Variants in ABCF3 observed in about 807,000 individuals in gnomAD.
ABCF3 encodes the protein ATP-binding cassette sub-family F member 3.
Under a neutral mutation model 94.3 loss-of-function variants are expected in ABCF3, and 62 were observed. The observed-to-expected ratio is 0.66, with a 90% CI of 0.54 to 0.81. The LOEUF (loss-of-function observed/expected upper bound fraction) is 0.81, where lower values mean the gene tolerates loss of function less well. Among genes scored for constraint, ABCF3 ranks in the 40% least tolerant of loss-of-function variants. The pLI, the probability that ABCF3 is intolerant of heterozygous loss-of-function variation, is 0.00. For synonymous variants in ABCF3, 355 were observed against 361.1 expected, an observed-to-expected ratio of 0.98 and a Z score of 0.19; for missense variants, 843 against 925.3, an observed-to-expected ratio of 0.91 and a Z score of 1.15.
intron 7 of ABCF3, 94 bp from the exon 8 acceptor site, chr3:184,188,667 C>T: frequency 1.5e-6 from 2 of 1,310,362 alleles, no homozygotes. Context: ...CTTCCAGCCA[C>T]AAGGTAGCCA....
At chr3:184,192,984 G>A (rs1299775130) in intron 18 of ABCF3, 88 bp downstream of exon 18, 33 of 1,572,402 alleles carry the variant, frequency 2.1e-5, no homozygotes, top group African/African-American at 1.6e-4. Context: ...CTTGGGGTGC[G>A]TGCAGAGCAG....
At position 184,187,647 on chromosome 3, in the gene ABCF3, T is replaced by C. The variant is rs1222130989; in HGVS notation, c.349-17T>C. 1.9e-6 allele frequency: 3 copies of C among 1,613,578 alleles called. No homozygotes were observed. Among genetic ancestry groups the C allele is most frequent in the Non-Finnish European group, 8.5e-7 (1 of 1,179,628 alleles). On this transcript the variant is annotated splice_polypyrimidine_tract_variant and intron_variant, in intron 4 of 20. Coordinates refer to ENST00000429586, the MANE Select transcript of ABCF3 (RefSeq NM_018358.3). ...AGCCTACACCCGAGAGTGAAGTCGA[T>C]GTGTTTGGACCCTTAGACAGTGAAT...
At position 184,193,768 on chromosome 3, in the gene ABCF3, A is replaced by G; in HGVS notation, c.*70A>G. 1 of 1,476,210 alleles carries G rather than the reference A, an allele frequency of 6.8e-7. No homozygotes were observed. The highest frequency in any genetic ancestry group is 9.0e-7 in the Non-Finnish European group (1 of 1,105,662). 91.4% of individuals were successfully genotyped at this position (1,476,210 alleles called of 1,614,324 possible). A position where few individuals can be genotyped will look rare whatever the true frequency, so the allele number is the denominator to read the frequency against. On this transcript the variant is annotated 3_prime_UTR_variant, in exon 21 of 21. Coordinates refer to ENST00000429586, the MANE Select transcript of ABCF3 (RefSeq NM_018358.3). This position sits in a 1 kb window ranked among gnomAD's most constrained non-coding sequence, Gnocchi z 5.2. ...AGACCCCTGGGCCACCATGTAGGCC[A>G]CCACTCCAGGCCGTGGACTTCCCCC... is the stretch of plus-strand genomic sequence containing the variant.
Position 184,193,082 on chromosome 3 carries a change from T to G in ABCF3, c.1751-20T>G. ...GGTGTTGGGCCAAGAAGCCACCTGA[T>G]CTGGGGAGTCCTTTTCCAGGGCGGC... On this transcript the variant is annotated intron_variant, in intron 18 of 20. Transcript: ENST00000429586. This position sits in a 1 kb window ranked among gnomAD's most constrained non-coding sequence, Gnocchi z 5.2. 3.9e-6 allele frequency: 6 copies of G among 1,536,124 alleles called. No individual in the cohort carries two copies. Among genetic ancestry groups the G allele is most frequent in the Non-Finnish European group, 5.2e-6 (6 of 1,142,956 alleles).
intron 1 of ABCF3, 103 bp downstream of exon 1, chr3:184,186,383 A>C: frequency 6.3e-7 from 1 of 1,588,336 alleles, no homozygotes; most frequent in Non-Finnish European, 8.6e-7. Context: ...TCTCCTCTGC[A>C]TGACCTCTTG....
chr3:184,193,222 T>C lies in ABCF3; in HGVS notation c.1871T>C (p.Met624Thr). Residue 624 changes from methionine to threonine, a missense_variant, in exon 19 of 21, where the codon ATG becomes ACG. Coordinates refer to ENST00000429586, the MANE Select transcript of ABCF3 (RefSeq NM_018358.3). This position sits in a 1 kb window ranked among gnomAD's most constrained non-coding sequence, Gnocchi z 5.2. ...AAGAGCCGAGTGGCCTTTGCTCAGATGACTATGCCCTGGTGAGGCCTCATT... is the reference window on the plus strand; with the variant it reads ...AAGAGCCGAGTGGCCTTTGCTCAGACGACTATGCCCTGGTGAGGCCTCATT... Reference protein sequence around the residue: ...GQKSRVAFAQMTMPCPNFYIL... With the variant: ...GQKSRVAFAQTTMPCPNFYIL... The C allele has an allele frequency of 1.3e-6, 2 of 1,565,862 alleles. No homozygotes were observed. Among genetic ancestry groups the C allele is most frequent in the Non-Finnish European group, 1.7e-6 (2 of 1,156,616 alleles).
In ABCF3 at chr3:184,186,924, G is replaced by A. The variant is rs183017508; in HGVS notation, c.301+49G>A. 165 of 1,568,848 alleles carry A rather than the reference G, an allele frequency of 1.1e-4. No individual in the cohort carries two copies. The African/African-American group carries it at 1.8e-3, about 17-fold the overall frequency. Reference sequence around the variant, plus strand: ...TAACTGCCCCCCTGTGCTTTTCTCCGCCCCCAACCATCTGCTGCCTGCAGC... The same window carrying A: ...TAACTGCCCCCCTGTGCTTTTCTCCACCCCCAACCATCTGCTGCCTGCAGC... On this transcript the variant is annotated intron_variant, in intron 3 of 20. Coordinates refer to ENST00000429586, the MANE Select transcript of ABCF3 (RefSeq NM_018358.3).
chr3:184,187,168 T>C (rs1248160818), intron 3 of ABCF3: 2 of 643,564 alleles, frequency 3.1e-6, no homozygotes, highest in African/African-American at 1.8e-5. Flanking sequence ...CTTGTAAGAG[T>C]TGGTTATCTG....
intron 17 of ABCF3, 41 bp downstream of exon 17, chr3:184,192,730 C>T (rs1030281289): frequency 1.9e-6 from 3 of 1,608,770 alleles, no homozygotes; most frequent in Admixed American, 3.4e-5. Context: ...AGCACATTTG[C>T]AGGCACCCAT....
intron 16 of ABCF3, 55 bp from the exon 17 acceptor site, chr3:184,192,546 C>A (rs1716093110): frequency 6.7e-7 from 1 of 1,503,250 alleles, no homozygotes; most frequent in Admixed American, 2.0e-5. Context: ...TGAATGAGAA[C>A]ATACCGTATT....
Position 184,193,237 on chromosome 3 carries a change from G to A in ABCF3, c.1883+3G>A. ...TTTGCTCAGATGACTATGCCCTGGT[G>A]AGGCCTCATTTTCCAGAGCTCTTCC... On this transcript the variant is annotated splice_donor_region_variant and intron_variant, in intron 19 of 20. Coordinates refer to ENST00000429586, the MANE Select transcript of ABCF3 (RefSeq NM_018358.3). This position sits in a 1 kb window ranked among gnomAD's most constrained non-coding sequence, Gnocchi z 5.2. 1 of 1,572,734 alleles carries A rather than the reference G, an allele frequency of 6.4e-7. No homozygotes were observed. Among genetic ancestry groups the A allele is most frequent in the Non-Finnish European group, 8.6e-7 (1 of 1,159,916 alleles).
In ABCF3 at chr3:184,193,612, G is replaced by A. The variant is rs757526982; in HGVS notation, c.2044G>A (p.Gly682Arg). Residue 682 changes from glycine to arginine, a missense_variant, in exon 21 of 21, where the codon GGA becomes AGA. By Grantham distance (125) the Gly-to-Arg change is moderately radical (BLOSUM62 -2). Transcript: ENST00000429586. The surrounding 1 kb of genome is among the most constrained non-coding windows in gnomAD (Gnocchi z 5.2). ...LVCRELWVCE[G>R]GGVTRVEGGF... ...GTGCCGGGAGTTGTGGGTATGCGAAGGAGGCGGCGTCACCCGTGTGGAAGG... is the reference window on the plus strand; with the variant it reads ...GTGCCGGGAGTTGTGGGTATGCGAAAGAGGCGGCGTCACCCGTGTGGAAGG... The A allele has an allele frequency of 2.5e-6, 4 of 1,614,142 alleles. No individual in the cohort carries two copies. The African/African-American group carries it at 5.3e-5, about 22-fold the overall frequency.
chr3:184,192,198 A>G (rs1217412384), intron 16 of ABCF3, among the ~76,000 whole-genome samples: 1 of 152,172 alleles, frequency 6.6e-6, no homozygotes, highest in African/African-American at 2.4e-5. Context: ...GTACAGAGTG[A>G]TACTTCCATG....
In ABCF3 at chr3:184,186,809, A is replaced by T. The variant is rs766789760; in HGVS notation, c.235A>T (p.Ser79Cys). 6.2e-7 allele frequency: 1 copy of T among 1,613,982 alleles called. No individual in the cohort carries two copies. Among genetic ancestry groups the T allele is most frequent in the South Asian group, 1.1e-5 (1 of 91,024 alleles). The change falls in exon 3 of 21, where the codon AGC becomes TGC. Residue 79 changes from serine (S) to cysteine (C), a missense_variant. By Grantham distance (112) the Ser-to-Cys change is moderately radical. Coordinates refer to ENST00000429586, the MANE Select transcript of ABCF3 (RefSeq NM_018358.3). ...CTACCCACATAGGGCTGAGCCACAAAGCCAGGGAAATAGCCAGGTGCTACT... is the reference window on the plus strand; with the variant it reads ...CTACCCACATAGGGCTGAGCCACAATGCCAGGGAAATAGCCAGGTGCTACT... The part of the protein sequence containing the change: ...YNTLRLAEPQ[S>C]QGNSQVLLDA...
rs779795407 is a variant in ABCF3 at position 184,191,152 on chromosome 3, C to T, written c.1466C>T (p.Pro489Leu). 5.6e-6 allele frequency: 9 copies of T among 1,614,056 alleles called. No homozygotes were observed. The highest frequency in any genetic ancestry group is 2.2e-5 in the East Asian group (1 of 44,896). The change falls in exon 16 of 21, where the codon CCG becomes CTG. Residue 489 changes from proline to leucine, a missense_variant. Physicochemically the swap from Pro to Leu is moderately conservative, Grantham distance 98. Transcript: ENST00000429586. ...CCTGATGGGTTTGAGAAGTTCTCGC[C>T]GCCAATTCTGCAGCTAGATGAGGTG... ...KFPDGFEKFS[P>L]PILQLDEVDF...
At chr3:184,189,952 C>T (rs1448977962) in intron 14 of ABCF3, 21 bp downstream of exon 14, 1 of 1,612,744 alleles carries the variant, frequency 6.2e-7, no homozygotes, top group Admixed American at 1.7e-5. Flanking sequence ...CATCCTTGGC[C>T]AGGGCCTGAC....
chr3:184,186,663 C>T lies in ABCF3; in HGVS notation c.221+9C>T. 6.2e-7 allele frequency: 1 copy of T among 1,603,624 alleles called. No individual in the cohort carries two copies. The highest frequency in any genetic ancestry group is 8.5e-7 in the Non-Finnish European group (1 of 1,173,752). ...TACAACACTCTGCGTCTGTATGTGC[C>T]AGGGAGTAGGGGTTGATGGGGGCGA... On this transcript the variant is annotated intron_variant, in intron 2 of 20. Coordinates refer to ENST00000429586, the MANE Select transcript of ABCF3 (RefSeq NM_018358.3).
intron 14 of ABCF3, 65 bp from the exon 15 acceptor site, chr3:184,190,934 T>C (rs553498854): frequency 1.0e-5 from 16 of 1,578,426 alleles, no homozygotes; most frequent in African/African-American, 8.1e-5. Context: ...TCTGAACATA[T>C]ATTACTCGTG....
At chr3:184,190,748 G>A (rs891782554) in intron 14 of ABCF3, 1 of 457,762 alleles carries the variant, frequency 2.2e-6, no homozygotes, top group Non-Finnish European at 3.9e-6. Context: ...CTGGCAGGAA[G>A]CTTAAAATCA....
Sources: gnomAD v4.1 joint callset for allele counts (sites outside exome capture counted in the v4.1 genomes callset) on GRCh38, gnomAD v4.1.1 for gene constraint, Gnocchi (gnomAD v3.1) non-coding constraint, MANE v1.5 for transcripts, NCBI Gene and HGNC (gene_info 2026-07-23, HGNC 2026-07-21) for gene names.